PCDHA9: variants seen among roughly 807,000 people sequenced by gnomAD.
PCDHA9 encodes the protein protocadherin alpha-9.
A neutral mutation model predicts 62.0 loss-of-function variants in PCDHA9; 62 were observed. The ratio of observed to expected loss-of-function variants is 1.00; its 90% CI spans 0.81 to 1.23. The LOEUF (loss-of-function observed/expected upper bound fraction) is 1.23. Among genes scored for constraint, PCDHA9 ranks in the 50% most tolerant of loss-of-function variants. PCDHA9 has a pLI of 0.00. For synonymous variants in PCDHA9, 557 were observed against 567.6 expected, an observed-to-expected ratio of 0.98 and a Z score of 0.27; for missense variants, 1,205 against 1,249.8, an observed-to-expected ratio of 0.96 and a Z score of 0.54.
rs371577720 is a variant in PCDHA9 at position 140,877,172 on chromosome 5, C to G, written c.2394+26283C>G. 239 of 1,613,700 alleles carry G rather than the reference C, an allele frequency of 1.5e-4. No homozygotes were observed. Among genetic ancestry groups the G allele is most frequent in the Non-Finnish European group, 1.9e-4 (229 of 1,179,846 alleles). On this transcript the variant is annotated intron_variant, in intron 1 of 3. Transcript: ENST00000532602. ...AACGACAACGCGCCGGCACTGCTGG[C>G]GACTCCGGCTGGCAGCGCAGGAGGC...
chr5:140,898,079 C>G (rs1179252797), intron 1 of PCDHA9, among the ~76,000 whole-genome samples: 2 of 151,984 alleles, frequency 1.3e-5, no homozygotes, highest in East Asian at 1.9e-4. Context: ...ATTGTAGATT[C>G]TGGATATTAG....
At chr5:140,938,333 T>G (rs2092022298) in intron 1 of PCDHA9, among the ~76,000 whole-genome samples, 1 of 152,248 alleles carries the variant, frequency 6.6e-6, no homozygotes, top group Non-Finnish European at 1.5e-5. Context: ...GTAATGTTAA[T>G]GGATAATCTT....
intron 1 of PCDHA9, chr5:140,870,676 G>T: frequency 6.2e-7 from 1 of 1,612,702 alleles, no homozygotes. Flanking sequence ...GTTGGACCAC[G>T]AGGAGCTGGA....
At chr5:140,894,997 T>C (rs566489828) in intron 1 of PCDHA9, among the ~76,000 whole-genome samples, 4 of 152,178 alleles carry the variant, frequency 2.6e-5, no homozygotes, top group Non-Finnish European at 5.9e-5. Flanking sequence ...TCCTTTACCC[T>C]TTTTACTTGG....
chr5:140,920,485 A>G (rs1366888817), intron 1 of PCDHA9, among the ~76,000 whole-genome samples: 3 of 152,164 alleles, frequency 2.0e-5, no homozygotes, highest in Admixed American at 6.5e-5. Context: ...TTTTTGGTCC[A>G]ACAATAGAGT....
chr5:140,870,194 C>G, intron 1 of PCDHA9: 1 of 1,614,168 alleles, frequency 6.2e-7, no homozygotes, highest in Non-Finnish European at 8.5e-7. Context: ...GACGCTCAGC[C>G]CAGCACGGTC....
In PCDHA9 at chr5:141,012,192, T is replaced by TA. The variant is rs1424309622; in HGVS notation, c.*2256dup. 1 of 153,796 alleles carries TA rather than the reference T, an allele frequency of 6.5e-6. No homozygotes were observed. The highest frequency in any genetic ancestry group is 6.5e-5 in the Admixed American group (1 of 15,282). The allele number at this position is 153,796 out of a possible 1,614,324, so 9.5% of individuals were successfully genotyped here. ...AATGATGATAATTATAATGTATCTGTACAGCACTTTTTACATTTGCGAAGT... is the reference window on the plus strand; with the variant it reads ...AATGATGATAATTATAATGTATCTGTAACAGCACTTTTTACATTTGCGAAGT... On this transcript the variant is annotated 3_prime_UTR_variant, in exon 4 of 4. Transcript: ENST00000532602.
intron 1 of PCDHA9, among the ~76,000 whole-genome samples, chr5:140,914,169 G>A (rs997751296): frequency 1.1e-4 from 17 of 152,140 alleles, no homozygotes; most frequent in Admixed American, 6.5e-5. Context: ...GGAAAGTGGG[G>A]TGTTGAATTC....
At chr5:140,929,050 C>T (rs946542782) in intron 1 of PCDHA9, 11 of 1,614,026 alleles carry the variant, frequency 6.8e-6, no homozygotes, top group African/African-American at 5.3e-5. Flanking sequence ...GAGCTGCTGT[C>T]GCTCTACAGA....
In PCDHA9 at chr5:140,848,707, G is replaced by A. The variant is rs782550579; in HGVS notation, c.212G>A (p.Arg71His). 2.5e-6 allele frequency: 4 copies of A among 1,592,422 alleles called. No individual in the cohort carries two copies. Among genetic ancestry groups the A allele is most frequent in the East Asian group, 2.2e-5 (1 of 44,812 alleles). ...PRLFQLDSKGRGDLLEVNLQN... is the reference protein window; with the variant it reads ...PRLFQLDSKGHGDLLEVNLQN... ...CTGTTCCAGTTGGATTCCAAAGGCC[G>A]CGGGGACCTTCTGGAGGTAAATCTG... The change falls in exon 1 of 4, where the codon CGC becomes CAC. Residue 71 changes from arginine (R) to histidine (H), a missense_variant. Around this residue, in one of 3 missense-constraint regions of PCDHA9, gnomAD observed 208 missense variants for 213.2 expected, o/e 0.98. Transcript: ENST00000532602.
At chr5:140,908,895 G>A (rs1381470212) in intron 1 of PCDHA9, among the ~76,000 whole-genome samples, 1 of 152,158 alleles carries the variant, frequency 6.6e-6, no homozygotes, top group Non-Finnish European at 1.5e-5. Flanking sequence ...TCCCAAATAA[G>A]CCTCTTTCGT....
At chr5:140,854,853 C>G (rs1441066752) in intron 1 of PCDHA9, among the ~76,000 whole-genome samples, 1 of 149,620 alleles carries the variant, frequency 6.7e-6, no homozygotes, top group Non-Finnish European at 1.5e-5. Flanking sequence ...GATAAAATTA[C>G]TAGATATATT....
At chr5:140,884,665 A>G (rs1554181817) in intron 1 of PCDHA9, 9 of 1,578,032 alleles carry the variant, frequency 5.7e-6, no homozygotes, top group Non-Finnish European at 7.7e-6. Context: ...TGAAAGAGGT[A>G]AGCTTATATT....
Position 140,849,641 on chromosome 5 carries a change from C to T in PCDHA9, c.1146C>T (p.Asn382=), listed in dbSNP as rs2150443548. Residue 382 remains asparagine, a synonymous_variant, in exon 1 of 4, where the codon AAC becomes AAT. Transcript: ENST00000532602. ...ISVIDLDADA[N]GQVTCSLTPH... ...TGATCGACCTAGACGCAGATGCCAA[C>T]GGGCAGGTTACCTGCTCCCTGACGC... The T allele has an allele frequency of 5.0e-6, 8 of 1,598,742 alleles. No homozygotes were observed. The highest frequency in any genetic ancestry group is 2.2e-5 in the East Asian group (1 of 44,848).
At chr5:140,980,307 TA>T (rs1554241617) in intron 2 of PCDHA9, among the ~76,000 whole-genome samples, 2 of 152,140 alleles carry the variant, frequency 1.3e-5, no homozygotes, top group African/African-American at 4.8e-5. Context: ...AGTTGTGCCT[TA>T]AAAACTACAT....
At chr5:140,938,631 T>C (rs1554212262) in intron 1 of PCDHA9, among the ~76,000 whole-genome samples, 1 of 152,208 alleles carries the variant, frequency 6.6e-6, no homozygotes. Context: ...AGGTTGCTTA[T>C]GATGTATAAT....
chr5:140,906,669 A>G (rs2153496058), intron 1 of PCDHA9, among the ~76,000 whole-genome samples: 1 of 152,302 alleles, frequency 6.6e-6, no homozygotes. Context: ...GTAGTGACCC[A>G]AACCTTCATT....
intron 1 of PCDHA9, chr5:140,969,448 G>C (rs781843317): frequency 2.0e-6 from 3 of 1,537,944 alleles, no homozygotes; most frequent in Non-Finnish European, 2.6e-6. Flanking sequence ...CTGGTAAACT[G>C]AGTATATATA....
intron 1 of PCDHA9, chr5:140,869,178 G>A (rs200717410): frequency 1.0e-4 from 168 of 1,613,870 alleles, no homozygotes; most frequent in Non-Finnish European, 1.3e-4. Flanking sequence ...AATTCTGGGA[G>A]GTGGGGAGCG....
Sources: gnomAD v4.1 joint callset for allele counts (sites outside exome capture counted in the v4.1 genomes callset) on GRCh38, gnomAD v4.1.1 for gene constraint, gnomAD v4.1.1 regional missense constraint, MANE v1.5 for transcripts, NCBI Gene and HGNC (gene_info 2026-07-23, HGNC 2026-07-21) for gene names.